Variants in ACVR1C observed in about 807,000 individuals in gnomAD.
The protein encoded by ACVR1C is activin A receptor type 1C, also known as activin receptor type-1C.
ACVR1C carries 23 observed loss-of-function variants against 57.9 expected under a neutral mutation model. The ratio of observed to expected loss-of-function variants is 0.40; its 90% CI spans 0.29 to 0.56. The LOEUF (loss-of-function observed/expected upper bound fraction) is 0.56, where lower values mean the gene tolerates loss of function less well. ACVR1C is among the 20% of genes least tolerant of loss of function. The probability of loss-of-function intolerance (pLI) is 0.50; values close to 1 mark genes in which losing one functional copy is unlikely to be tolerated. For synonymous variants in ACVR1C, 214 were observed against 215.3 expected (o/e 0.99, Z 0.05); for missense variants, 480 against 607.9 (o/e 0.79, Z 2.21).
In ACVR1C at chr2:157,555,219, C is replaced by T. The variant is rs1007101642; in HGVS notation, c.544+874G>A. Among the ~76,000 whole-genome samples the T allele has an allele frequency of 7.4e-5, 11 of 148,738 alleles. No individual in the cohort carries two copies. The South Asian group carries it at 1.5e-3, about 20-fold the overall frequency. On this transcript the variant is annotated intron_variant, in intron 3 of 8. Coordinates refer to ENST00000243349, the MANE Select transcript of ACVR1C (RefSeq NM_145259.3). ...CTGCAAGCTCCGCTTCCCGGGTTCA[C>T]GCCATTCTCCTGCCTCAGCCTCCCG...
intron 1 of ACVR1C, among the ~76,000 whole-genome samples, chr2:157,608,367 T>C (rs1363540118): frequency 6.6e-6 from 1 of 152,032 alleles, no homozygotes; most frequent in Non-Finnish European, 1.5e-5. Context: ...CTTTTTGATG[T>C]GCTGTTAGAT....
chr2:157,544,661 A>C lies in ACVR1C; in HGVS notation c.776-49T>G, dbSNP rs375935722. 4.0e-5 allele frequency: 60 copies of C among 1,492,378 alleles called. No individual in the cohort carries two copies. In the African/African-American group the frequency reaches 8.1e-4, roughly 20 times the overall value. 92.4% of individuals were successfully genotyped at this position (1,492,378 alleles called of 1,614,324 possible). A position where few individuals can be genotyped will look rare whatever the true frequency, so the allele number is the denominator to read the frequency against. On this transcript the variant is annotated intron_variant, in intron 4 of 8. Transcript: ENST00000243349. ...TGTTGTAAATACATATTGAGAAAGAAGCCAAAAGCTTTTAAAAATATCAGT... is the reference window on the plus strand; with the variant it reads ...TGTTGTAAATACATATTGAGAAAGACGCCAAAAGCTTTTAAAAATATCAGT...
intron 2 of ACVR1C, among the ~76,000 whole-genome samples, chr2:157,573,881 G>A (rs1001208598): frequency 2.0e-5 from 3 of 152,082 alleles, no homozygotes; most frequent in Admixed American, 2.0e-4. Flanking sequence ...CTAATATTAA[G>A]GAAGTAAGAT....
At chr2:157,609,344 G>A (rs375411017) in intron 1 of ACVR1C, among the ~76,000 whole-genome samples, 4 of 151,970 alleles carry the variant, frequency 2.6e-5, no homozygotes, top group South Asian at 2.1e-4. Context: ...CTTGATATGA[G>A]TTTAATTTTA....
At chr2:157,592,617 G>A (rs576755512) in intron 1 of ACVR1C, among the ~76,000 whole-genome samples, 5 of 152,062 alleles carry the variant, frequency 3.3e-5, no homozygotes, top group African/African-American at 7.2e-5. Flanking sequence ...AGTAACATAC[G>A]ACATACTCAG....
At chr2:157,537,901 G>A (rs567986743) in intron 8 of ACVR1C, among the ~76,000 whole-genome samples, 10 of 152,294 alleles carry the variant, frequency 6.6e-5, no homozygotes, top group African/African-American at 2.4e-4. Flanking sequence ...ATACTGGTTT[G>A]CTGGAGATGA....
At chr2:157,550,002 C>CAAAAAA (rs34150063) in intron 4 of ACVR1C, among the ~76,000 whole-genome samples, 160 bp downstream of exon 4, 2 of 91,920 alleles carry the variant, frequency 2.2e-5, no homozygotes, top group African/African-American at 4.3e-5. Flanking sequence ...GATTACGTCT[C>CAAAAAA]AAAAAAAAAA....
chr2:157,623,153 T>C (rs572549333), intron 1 of ACVR1C, among the ~76,000 whole-genome samples: 60 of 152,316 alleles, frequency 3.9e-4, no homozygotes, highest in African/African-American at 1.4e-3. Context: ...TTGTACACTG[T>C]TGGTAGGATT....
chr2:157,627,207 CT>C (rs1012156512), intron 1 of ACVR1C, among the ~76,000 whole-genome samples: 8 of 152,014 alleles, frequency 5.3e-5, no homozygotes, highest in African/African-American at 1.7e-4. Flanking sequence ...ACCTTGAAGA[CT>C]TTTTTTTGTA....
intron 1 of ACVR1C, among the ~76,000 whole-genome samples, chr2:157,609,368 G>T (rs995815050): frequency 2.0e-5 from 3 of 151,890 alleles, no homozygotes; most frequent in African/African-American, 7.2e-5. Context: ...AATTTGTTGA[G>T]ACTTATTTTG....
intron 2 of ACVR1C, among the ~76,000 whole-genome samples, chr2:157,581,751 G>A (rs866904022): frequency 2.6e-5 from 4 of 152,142 alleles, no homozygotes; most frequent in African/African-American, 7.2e-5. Flanking sequence ...GATTTTGTCC[G>A]GCCTCTTCTG....
At chr2:157,535,768 G>T (rs1364211723) in intron 8 of ACVR1C, among the ~76,000 whole-genome samples, 1 of 152,130 alleles carries the variant, frequency 6.6e-6, no homozygotes, top group African/African-American at 2.4e-5. Context: ...GGGCAACAAA[G>T]CAAGATTCTG....
rs1310068115 is a variant in ACVR1C at position 157,533,132 on chromosome 2, T to C, written c.*786A>G. The C allele has an allele frequency of 1.3e-5, 2 of 152,200 alleles. No homozygotes were observed. The highest frequency in any genetic ancestry group is 1.3e-4 in the Admixed American group (2 of 15,264). 9.4% of individuals were successfully genotyped at this position (152,200 alleles called of 1,614,324 possible). A position where few individuals can be genotyped will look rare whatever the true frequency, so the allele number is the denominator to read the frequency against. On this transcript the variant is annotated 3_prime_UTR_variant, in exon 9 of 9. Coordinates refer to ENST00000243349, the MANE Select transcript of ACVR1C (RefSeq NM_145259.3). Reference sequence around the variant, plus strand: ...AGATATTACATAGGGAGAAAAGCACTATTCAAGGGAAAGTAGGAAGCTAGC... The same window carrying C: ...AGATATTACATAGGGAGAAAAGCACCATTCAAGGGAAAGTAGGAAGCTAGC...
rs913165966 is a variant in ACVR1C at position 157,530,296 on chromosome 2, A to G, written c.*3622T>C. ...CAAATACATTCTCATACTTATTTCA[A>G]TCAAAGACTATGCCCTAACAAGCAA... is the stretch of plus-strand genomic sequence containing the variant. On this transcript the variant is annotated 3_prime_UTR_variant, in exon 9 of 9. Coordinates refer to ENST00000243349, the MANE Select transcript of ACVR1C (RefSeq NM_145259.3). The G allele has an allele frequency of 6.6e-6, 1 of 152,142 alleles. No individual in the cohort carries two copies. The highest frequency in any genetic ancestry group is 1.5e-5 in the Non-Finnish European group (1 of 67,998). The allele number at this position is 152,142 out of a possible 1,614,324, so 9.4% of individuals were successfully genotyped here. A position where few individuals can be genotyped will look rare whatever the true frequency, so the allele number is the denominator to read the frequency against.
chr2:157,562,463 ATAAAATAAAAT>A (rs1688261491), intron 2 of ACVR1C, among the ~76,000 whole-genome samples: 2 of 7,432 alleles, frequency 2.7e-4, no homozygotes, highest in African/African-American at 4.3e-4. Flanking sequence ...AACCAAAAAA[ATAAAATAAAAT>A]AAAATAAAAT....
intron 2 of ACVR1C, among the ~76,000 whole-genome samples, chr2:157,563,009 T>C (rs955716768): frequency 6.6e-6 from 1 of 152,120 alleles, no homozygotes; most frequent in Non-Finnish European, 1.5e-5. Context: ...CCACAGCCAA[T>C]ATCATACTGA....
intron 1 of ACVR1C, among the ~76,000 whole-genome samples, chr2:157,613,265 G>T (rs2105150983): frequency 6.6e-6 from 1 of 152,222 alleles, no homozygotes; most frequent in South Asian, 2.1e-4. Flanking sequence ...TTATCTCTTT[G>T]CAATTTTGCT....
chr2:157,575,526 C>T (rs1259642757), intron 2 of ACVR1C, among the ~76,000 whole-genome samples: 1 of 152,204 alleles, frequency 6.6e-6, no homozygotes, highest in Non-Finnish European at 1.5e-5. Flanking sequence ...GCCTGGGCTT[C>T]CCAAAGTGCT....
At chr2:157,561,675 A>G (rs758725324) in intron 2 of ACVR1C, among the ~76,000 whole-genome samples, 5 of 152,240 alleles carry the variant, frequency 3.3e-5, no homozygotes, top group Non-Finnish European at 5.9e-5. Context: ...AAACAGAGTG[A>G]CATGTTAAGC....
Sources: allele counts gnomAD v4.1 joint callset (sites outside exome capture counted in the v4.1 genomes callset), GRCh38; gene constraint gnomAD v4.1.1; transcripts MANE v1.5; gene names NCBI Gene and HGNC (gene_info 2026-07-23, HGNC 2026-07-21).